The following VPS50 variants were observed in gnomAD, a reference collection of about 807,000 sequenced individuals.
VPS50 encodes VPS50 subunit of EARP/GARPII complex, also known as syndetin.
In VPS50, 70 loss-of-function variants were observed where a neutral mutation model predicts 139.7. That is an observed-to-expected ratio of 0.50 (90% CI 0.41 to 0.61). The LOEUF (loss-of-function observed/expected upper bound fraction) is 0.61, where lower values mean the gene tolerates loss of function less well. Among genes scored for constraint, VPS50 ranks in the 20% least tolerant of loss-of-function variants. The pLI is 0.00. For missense variants in VPS50, 921 were observed against 1,133.7 expected, an observed-to-expected ratio of 0.81 and a Z score of 2.69; for synonymous variants, 365 against 376.7, an observed-to-expected ratio of 0.97 and a Z score of 0.36.
intron 23 of VPS50, among the ~76,000 whole-genome samples, chr7:93,342,892 G>A (rs1798265760): frequency 2.0e-5 from 3 of 152,192 alleles, no homozygotes; most frequent in East Asian, 1.9e-4. Flanking sequence ...AAAAAACAGA[G>A]CAGAAAACCT....
intron 22 of VPS50, among the ~76,000 whole-genome samples, 183 bp from the exon 23 acceptor site, chr7:93,341,244 T>A (rs1361246230): frequency 1.3e-5 from 2 of 152,164 alleles, no homozygotes; most frequent in African/African-American, 2.4e-5. Context: ...CTCATTCTCA[T>A]TTAGGATTAA....
rs1387113106 is a variant in VPS50 at position 93,259,765 on chromosome 7, G to A, written c.659+133G>A. ...TAGTTTAACATTCATATTTATATAT[G>A]GGCAGTACAATAAAATTATAAATAA... On this transcript the variant is annotated intron_variant, in intron 9 of 27. Coordinates refer to ENST00000305866, the MANE Select transcript of VPS50 (RefSeq NM_017667.4). 6 of 471,348 alleles carry A rather than the reference G, an allele frequency of 1.3e-5. No individual in the cohort carries two copies. In the South Asian group the frequency reaches 2.2e-4, roughly 17 times the overall value. 29.2% of individuals were successfully genotyped at this position (471,348 alleles called of 1,614,324 possible). A position where few individuals can be genotyped will look rare whatever the true frequency, so the allele number is the denominator to read the frequency against.
At chr7:93,278,519 C>G (rs561101619) in intron 12 of VPS50, among the ~76,000 whole-genome samples, 20 of 149,772 alleles carry the variant, frequency 1.3e-4, no homozygotes, top group African/African-American at 4.7e-4. Context: ...ATTGCTTGAA[C>G]CAGGGAGGTG....
At chr7:93,320,450 T>A (rs1018999271) in intron 20 of VPS50, 1 of 152,576 alleles carries the variant, frequency 6.6e-6, no homozygotes, top group African/African-American at 2.4e-5. Context: ...GCCTCCCGGG[T>A]TCAAGCCATT....
chr7:93,235,682 C>T (rs1794777402), intron 1 of VPS50, among the ~76,000 whole-genome samples: 1 of 152,154 alleles, frequency 6.6e-6, no homozygotes, highest in East Asian at 1.9e-4. Context: ...ATGTAATTGC[C>T]ATTTCCTCGG....
At chr7:93,266,117 T>C (rs1316409458) in intron 9 of VPS50, among the ~76,000 whole-genome samples, 1 of 152,208 alleles carries the variant, frequency 6.6e-6, no homozygotes, top group East Asian at 1.9e-4. Context: ...AGGCTCTGAT[T>C]TAAACAGACT....
intron 12 of VPS50, among the ~76,000 whole-genome samples, chr7:93,280,324 T>C (rs1410551174): frequency 6.6e-6 from 1 of 152,182 alleles, no homozygotes; most frequent in Non-Finnish European, 1.5e-5. Context: ...ACTAGCTGTT[T>C]AGGTTCTTTT....
intron 1 of VPS50, 77 bp from the exon 2 acceptor site, chr7:93,239,789 G>T (rs1380146390): frequency 2.5e-6 from 2 of 799,046 alleles, no homozygotes; most frequent in Middle Eastern, 3.2e-4. Flanking sequence ...GGTCATTTCT[G>T]TTTCAGTAGG....
chr7:93,275,446 A>G (rs905097242), intron 11 of VPS50, among the ~76,000 whole-genome samples: 1 of 152,174 alleles, frequency 6.6e-6, no homozygotes, highest in Admixed American at 6.5e-5. Flanking sequence ...ATCAGTCAGC[A>G]GCCATCAACA....
rs1794886627 is a variant in VPS50 at position 93,238,536 on chromosome 7, A to T, written c.34-1330A>T. ...AGGACTTAAAGTTTGGAAGAGAAAGATATATTTAAAATTTAAAACTTTACT... is the reference window on the plus strand; with the variant it reads ...AGGACTTAAAGTTTGGAAGAGAAAGTTATATTTAAAATTTAAAACTTTACT... On this transcript the variant is annotated intron_variant, in intron 1 of 27. Coordinates refer to ENST00000305866, the MANE Select transcript of VPS50 (RefSeq NM_017667.4). 2.0e-5 allele frequency among the ~76,000 whole-genome samples: 3 copies of T among 152,170 alleles called. No individual in the cohort carries two copies. In the South Asian group the frequency reaches 6.2e-4, roughly 32 times the overall value.
intron 12 of VPS50, among the ~76,000 whole-genome samples, chr7:93,287,107 T>C (rs2116925888): frequency 6.6e-6 from 1 of 152,088 alleles, no homozygotes; most frequent in East Asian, 1.9e-4. Context: ...TTTTAGAATA[T>C]GAACTTAGGC....
At chr7:93,318,329 C>G (rs1456223377) in intron 20 of VPS50, among the ~76,000 whole-genome samples, 2 of 152,074 alleles carry the variant, frequency 1.3e-5, no homozygotes, top group African/African-American at 4.8e-5. Flanking sequence ...AACCTGGTAG[C>G]CAGGCACTTA....
intron 7 of VPS50, 31 bp downstream of exon 7, chr7:93,258,307 C>G (rs766462487): frequency 6.3e-7 from 1 of 1,595,814 alleles, no homozygotes; most frequent in East Asian, 2.2e-5. Context: ...AAAATTAAAA[C>G]TGAATTTTGT....
chr7:93,342,389 T>C (rs1036443695), intron 23 of VPS50, among the ~76,000 whole-genome samples: 17 of 152,170 alleles, frequency 1.1e-4, no homozygotes, highest in African/African-American at 2.4e-4. Flanking sequence ...AAGGCGGCAG[T>C]GACGCTGGGG....
rs193029620 is a variant in VPS50 at position 93,268,349 on chromosome 7, G to A, written c.660-2871G>A. On this transcript the variant is annotated intron_variant, in intron 9 of 27. Coordinates refer to ENST00000305866, the MANE Select transcript of VPS50 (RefSeq NM_017667.4). ...TTTTTTTTTCATTATTTTAAGTTCC[G>A]GGTACATGTGCAGGATGTGCATGTC... is the stretch of plus-strand genomic sequence containing the variant. 3.9e-5 allele frequency among the ~76,000 whole-genome samples: 6 copies of A among 151,990 alleles called. No individual in the cohort carries two copies. The East Asian group carries it at 5.8e-4, about 15-fold the overall frequency.
At chr7:93,240,593 G>C (rs761466596) in intron 2 of VPS50, among the ~76,000 whole-genome samples, 1 of 152,110 alleles carries the variant, frequency 6.6e-6, no homozygotes, top group Non-Finnish European at 1.5e-5. Flanking sequence ...GAGTGTTGCT[G>C]CTTGGAGCTG....
intron 18 of VPS50, 107 bp downstream of exon 18, chr7:93,306,111 C>T: frequency 1.3e-6 from 1 of 756,974 alleles, no homozygotes; most frequent in East Asian, 2.5e-5. Context: ...TACCACCCTG[C>T]CTGCCTGTAT....
At chr7:93,309,863 TAGA>T (rs1400027193) in intron 19 of VPS50, among the ~76,000 whole-genome samples, 13 of 152,008 alleles carry the variant, frequency 8.6e-5, no homozygotes, top group Non-Finnish European at 2.9e-5. Flanking sequence ...TTCTTAATGA[TAGA>T]TTCTTAATGA....
intron 16 of VPS50, among the ~76,000 whole-genome samples, chr7:93,302,313 A>G (rs1168437350): frequency 1.4e-5 from 2 of 147,604 alleles, no homozygotes; most frequent in African/African-American, 2.5e-5. Flanking sequence ...TGTTTTGACT[A>G]TCTCACATCT....
Sources: gnomAD v4.1 joint callset for allele counts (sites outside exome capture counted in the v4.1 genomes callset) on GRCh38, gnomAD v4.1.1 for gene constraint, MANE v1.5 for transcripts, NCBI Gene and HGNC (gene_info 2026-07-23, HGNC 2026-07-21) for gene names.